The following GLI3 variants were observed in gnomAD, a reference collection of about 807,000 sequenced individuals.
GLI3 encodes transcription activator GLI3.
GLI3 carries 20 observed loss-of-function variants against 100.8 expected under a neutral mutation model. The observed-to-expected ratio is 0.20, with a 90% CI of 0.14 to 0.29. The LOEUF (loss-of-function observed/expected upper bound fraction) is 0.29, where lower values mean the gene tolerates loss of function less well. GLI3 is among the 10% of genes least tolerant of loss of function. The probability of loss-of-function intolerance (pLI) is 1.00; values close to 1 mark genes in which losing one functional copy is unlikely to be tolerated. For synonymous variants in GLI3, 938 were observed against 860.5 expected, an observed-to-expected ratio of 1.09 and a Z score of -1.58; for missense variants, 2,040 against 2,128.5, an observed-to-expected ratio of 0.96 and a Z score of 0.82.
intron 10 of GLI3, among the ~76,000 whole-genome samples, chr7:41,988,859 G>A (rs1048737472): frequency 6.6e-6 from 1 of 152,152 alleles, no homozygotes; most frequent in Non-Finnish European, 1.5e-5. Context: ...AAATGTAACT[G>A]TTGTCTCTTA....
In GLI3 at chr7:42,223,115, C is replaced by A. The variant is rs377530671; in HGVS notation, c.124+15G>T. The A allele has an allele frequency of 6.2e-7, 1 of 1,613,534 alleles. No individual in the cohort carries two copies. The highest frequency in any genetic ancestry group is 8.5e-7 in the Non-Finnish European group (1 of 1,179,694). On this transcript the variant is annotated intron_variant, in intron 2 of 14. Transcript: ENST00000395925. ...GACTCCAGGCTGGGCTGCTGGTAAT[C>A]CCTGTGCTGCTCACCATTAGAAGTG...
At position 42,037,892 on chromosome 7, in the gene GLI3, G is replaced by C. The variant is rs553879651; in HGVS notation, c.1028+2146C>G. Among the ~76,000 whole-genome samples the C allele has an allele frequency of 7.2e-5, 11 of 152,306 alleles. No homozygotes were observed. In the East Asian group the frequency reaches 2.1e-3, roughly 29 times the overall value. On this transcript the variant is annotated intron_variant, in intron 7 of 14. Transcript: ENST00000395925. The stretch of plus-strand genomic sequence containing the variant: ...CCAGGAGACCGTAAGGACTAAGGAG[G>C]CTGGGGTAGGAATAAATAAAGATAG...
intron 1 of GLI3, among the ~76,000 whole-genome samples, chr7:42,244,971 A>G (rs934376883): frequency 2.0e-5 from 3 of 152,222 alleles, no homozygotes; most frequent in African/African-American, 7.2e-5. Flanking sequence ...AATATTGTCA[A>G]TTGTACCATG....
chr7:42,157,736 A>G (rs1278424879), intron 2 of GLI3, among the ~76,000 whole-genome samples: 1 of 151,912 alleles, frequency 6.6e-6, no homozygotes, highest in African/African-American at 2.4e-5. Flanking sequence ...TCTATGTATG[A>G]CCTTTACTAT....
At chr7:42,009,166 C>T (rs945417558) in intron 10 of GLI3, among the ~76,000 whole-genome samples, 1 of 152,160 alleles carries the variant, frequency 6.6e-6, no homozygotes, top group Non-Finnish European at 1.5e-5. Flanking sequence ...CTGCCTTGGC[C>T]GTAGTTTCTT....
chr7:42,257,028 T>G (rs944633125), intron 1 of GLI3, among the ~76,000 whole-genome samples: 1 of 152,172 alleles, frequency 6.6e-6, no homozygotes, highest in African/African-American at 2.4e-5. Flanking sequence ...TTTATTCTTT[T>G]TGATGCTATT....
At chr7:42,217,372 G>A (rs1052061825) in intron 2 of GLI3, among the ~76,000 whole-genome samples, 1 of 152,184 alleles carries the variant, frequency 6.6e-6, no homozygotes, top group African/African-American at 2.4e-5. Flanking sequence ...TGGAGCTCAA[G>A]AGAGTCGGGG....
intron 2 of GLI3, among the ~76,000 whole-genome samples, chr7:42,171,814 C>T (rs1188389642): frequency 2.0e-5 from 3 of 152,156 alleles, no homozygotes; most frequent in Non-Finnish European, 4.4e-5. Context: ...GTTGAAAATA[C>T]AGGTGACAAT....
Position 42,048,558 on chromosome 7 carries a change from G to C in GLI3, c.612C>G (p.Ile204Met), listed in dbSNP as rs760701023. The change falls in exon 5 of 15, where the codon ATC becomes ATG. Residue 204 changes from isoleucine (I) to methionine (M), a missense_variant. This residue lies in a region of GLI3 where 603 missense variants were observed against 690.9 expected (regional missense o/e 0.87). Coordinates refer to ENST00000395925, the MANE Select transcript of GLI3 (RefSeq NM_000168.6). ...HPYINPYMDY[I>M]RSLHSSPSLS... ...GCGATGGGCTGCTGTGCAAGGAGCGGATATAGTCCATGTAGGGATTAATGT... is the reference window on the plus strand; with the variant it reads ...GCGATGGGCTGCTGTGCAAGGAGCGCATATAGTCCATGTAGGGATTAATGT... 3 of 1,613,134 alleles carry C rather than the reference G, an allele frequency of 1.9e-6. No homozygotes were observed. In the Admixed American group the frequency reaches 5.0e-5, roughly 27 times the overall value.
At chr7:41,976,813 G>C (rs1370203419) in intron 12 of GLI3, among the ~76,000 whole-genome samples, 1 of 152,142 alleles carries the variant, frequency 6.6e-6, no homozygotes, top group South Asian at 2.1e-4. Flanking sequence ...AGACCTCCAA[G>C]GCCAAATTGG....
In GLI3 at chr7:42,148,230, G is replaced by A. The variant is rs150295615; in HGVS notation, c.363C>T (p.His121=). The A allele has an allele frequency of 2.5e-4, 403 of 1,610,318 alleles. 4 individuals carry two copies. The South Asian group carries it at 3.0e-3, about 12-fold the overall frequency. ...CCGACTGGCATGGGCACTTACGGTA[G>A]TGGGGCTCCATGTAACCATTCCTGG... ...MDPRNGYMEP[H]YHPPHLFPAF... Residue 121 remains histidine, a synonymous_variant, in exon 3 of 15, where the codon CAC becomes CAT. Coordinates refer to ENST00000395925, the MANE Select transcript of GLI3 (RefSeq NM_000168.6).
chr7:42,149,316 T>C (rs1691854784), intron 2 of GLI3, among the ~76,000 whole-genome samples: 1 of 152,190 alleles, frequency 6.6e-6, no homozygotes, highest in African/African-American at 2.4e-5. Context: ...CTTGAAGAAA[T>C]TCCATATACA....
At position 42,011,880 on chromosome 7, in the gene GLI3, C is replaced by T. The variant is rs543886496; in HGVS notation, c.1497+11588G>A. ...CACTGTGACTGCGCTCAATGCCACA[C>T]AGAACTGCAAACTTCAAAATGGACA... On this transcript the variant is annotated intron_variant, in intron 10 of 14. Transcript: ENST00000395925. 2.0e-5 allele frequency among the ~76,000 whole-genome samples: 3 copies of T among 152,266 alleles called. No individual in the cohort carries two copies. In the South Asian group the frequency reaches 6.2e-4, roughly 32 times the overall value.
chr7:42,246,983 G>A (rs944008156), intron 1 of GLI3, among the ~76,000 whole-genome samples: 21 of 152,010 alleles, frequency 1.4e-4, no homozygotes, highest in African/African-American at 4.6e-4. Flanking sequence ...GCCTTTGAAT[G>A]TGGTGGTTCC....
intron 2 of GLI3, among the ~76,000 whole-genome samples, chr7:42,177,386 A>C (rs1006040314): frequency 6.6e-6 from 1 of 152,174 alleles, no homozygotes; most frequent in Non-Finnish European, 1.5e-5. Context: ...TTAGAAGCTA[A>C]GGGAACTGAA....
At position 42,148,177 on chromosome 7, in the gene GLI3, A is replaced by C. The variant is rs1562757862; in HGVS notation, c.367+49T>G. ...CACACACACACACACACACACACACAGCCCTCCCCATAGCTCCTGAACAAG... is the reference window on the plus strand; with the variant it reads ...CACACACACACACACACACACACACCGCCCTCCCCATAGCTCCTGAACAAG... On this transcript the variant is annotated intron_variant, in intron 3 of 14. Coordinates refer to ENST00000395925, the MANE Select transcript of GLI3 (RefSeq NM_000168.6). 2.3e-6 allele frequency: 3 copies of C among 1,311,248 alleles called. No homozygotes were observed. In the Admixed American group the frequency reaches 5.9e-5, roughly 26 times the overall value. The allele number at this position is 1,311,248 out of a possible 1,614,324, so 81.2% of individuals were successfully genotyped here.
intron 3 of GLI3, among the ~76,000 whole-genome samples, chr7:42,106,779 A>T (rs1266618893): frequency 6.6e-6 from 1 of 152,192 alleles, no homozygotes; most frequent in African/African-American, 2.4e-5. Context: ...TGGTAATGAC[A>T]GCAGAGAATG....
chr7:42,116,467 A>G (rs1206805351), intron 3 of GLI3, among the ~76,000 whole-genome samples: 6 of 151,316 alleles, frequency 4.0e-5, no homozygotes, highest in Non-Finnish European at 2.9e-5. Flanking sequence ...GATCAGGTCC[A>G]AGTTTTAGAT....
intron 2 of GLI3, among the ~76,000 whole-genome samples, chr7:42,214,958 G>A (rs1242088142): frequency 1.3e-5 from 2 of 151,236 alleles, no homozygotes; most frequent in Non-Finnish European, 1.5e-5. Flanking sequence ...CTACAAATTC[G>A]ACATAAGATA....
Sources: allele counts gnomAD v4.1 joint callset (sites outside exome capture counted in the v4.1 genomes callset), GRCh38; gene constraint gnomAD v4.1.1; regional missense constraint gnomAD v4.1.1; transcripts MANE v1.5; gene names NCBI Gene and HGNC (gene_info 2026-07-23, HGNC 2026-07-21).